RBM11: variants seen among roughly 807,000 people sequenced by gnomAD.
RBM11 encodes RNA binding motif protein 11.
RBM11 carries 18 observed loss-of-function variants against 21.4 expected under a neutral mutation model. The observed-to-expected ratio is 0.84, with a 90% confidence interval of 0.58 to 1.25. The LOEUF is 1.25. RBM11 is among the 50% of genes most tolerant of loss of function. The pLI is 0.00. For missense variants in RBM11, 294 were observed against 331.9 expected (o/e 0.89, Z 0.89); for synonymous variants, 120 against 116.3 (o/e 1.03, Z -0.20).
rs753372738 is a variant in RBM11, at chr21:14,216,192, C to G, written c.6C>G (p.Phe2Leu). M[F>L]PAQEEADRTV... is the part of the protein sequence containing the mutation. Reference sequence around the variant, plus strand: ...TCTACGGCCGAGACCGGAGGATGTTCCCTGCTCAGGAGGAGGCCGACAGGA... The same window carrying G: ...TCTACGGCCGAGACCGGAGGATGTTGCCTGCTCAGGAGGAGGCCGACAGGA... The change falls in exon 1 of 5, where the codon TTC becomes TTG. Residue 2 changes from phenylalanine to leucine, a missense_variant. By Grantham distance (22) the Phe-to-Leu change is conservative. This residue lies in a region of RBM11 where 181 missense variants were observed against 164.6 expected (regional missense o/e 1.10). Transcript: ENST00000400577. 65 of 1,613,034 alleles carry G rather than the reference C, an allele frequency of 4.0e-5. No individual in the cohort carries two copies. In the African/African-American group the frequency reaches 8.1e-4, roughly 20 times the overall value.
chr21:14,221,058 T>A, intron 2 of RBM11, 39 bp from the exon 3 acceptor site: 18 of 1,511,406 alleles, frequency 1.2e-5, no homozygotes, highest in Non-Finnish European at 1.4e-5. Flanking sequence ...CAAAAAAAAA[T>A]GTACCATGAA....
At position 14,227,217 on chromosome 21, in the gene RBM11, A is replaced by T. The variant is rs375632302; in HGVS notation, c.770A>T (p.Asp257Val). 26 of 1,613,944 alleles carry T rather than the reference A, an allele frequency of 1.6e-5. No individual in the cohort carries two copies. In the African/African-American group the frequency reaches 3.3e-4, roughly 21 times the overall value. Residue 257 changes from aspartate to valine, a missense_variant, in exon 5 of 5, where the codon GAT becomes GTT. By Grantham distance (152) the Asp-to-Val change is radical. Transcript: ENST00000400577. ...RKRQKQTSDS[D>V]SSTDNNRGNE... The stretch of plus-strand genomic sequence containing the variant: ...AGACAAAAGCAAACAAGTGATAGTG[A>T]TAGTAGCACAGACAACAACAGAGGC...
rs1979254177 is a variant in RBM11, at chr21:14,227,987, T to C, written c.*694T>C. The C allele has an allele frequency of 6.6e-6, 1 of 152,220 alleles. No individual in the cohort carries two copies. Among genetic ancestry groups the C allele is most frequent in the African/African-American group, 2.4e-5 (1 of 41,466 alleles). 9.4% of individuals were successfully genotyped at this position (152,220 alleles called of 1,614,324 possible). A position where few individuals can be genotyped will look rare whatever the true frequency, so the allele number is the denominator to read the frequency against. On this transcript the variant is annotated 3_prime_UTR_variant, in exon 5 of 5. Transcript: ENST00000400577. Reference sequence around the variant, plus strand: ...ATGTCATTAAAATCAGTTGGCTATGTCAGTGTGTATTATTCACCTCTTTTG... The same window carrying C: ...ATGTCATTAAAATCAGTTGGCTATGCCAGTGTGTATTATTCACCTCTTTTG...
chr21:14,222,322 G>A (rs1015557703), intron 3 of RBM11, among the ~76,000 whole-genome samples: 3 of 152,020 alleles, frequency 2.0e-5, no homozygotes, highest in African/African-American at 4.8e-5. Context: ...TATATAGAGA[G>A]AGAAGTATAG....
Position 14,224,539 on chromosome 21 carries a change from T to C in RBM11, c.432+2T>C. The C allele has an allele frequency of 6.5e-7, 1 of 1,546,390 alleles. No homozygotes were observed. The highest frequency in any genetic ancestry group is 8.7e-7 in the Non-Finnish European group (1 of 1,145,826). ...GAATATTTTCTCTTTCAGAAGATGG[T>C]AAGTTTAATATGCATTTTATTTAGT... On this transcript the variant is annotated splice_donor_variant, in intron 4 of 4. Transcript: ENST00000400577. LOFTEE classifies it high-confidence loss of function.
At chr21:14,221,220 C>A in intron 3 of RBM11, 51 bp downstream of exon 3, 1 of 1,487,534 alleles carries the variant, frequency 6.7e-7, no homozygotes, top group Non-Finnish European at 8.9e-7. Flanking sequence ...TATTTTTATG[C>A]CAAGAGGAGT....
At position 14,227,672 on chromosome 21, in the gene RBM11, G is replaced by A. The variant is rs1979226294; in HGVS notation, c.*379G>A. ...CAACACTCAACTACAAATAGGCTGG[G>A]ATTCAATGTGGAGTGGTGGATTTCC... On this transcript the variant is annotated 3_prime_UTR_variant, in exon 5 of 5. Transcript: ENST00000400577. 5.6e-6 allele frequency: 1 copy of A among 179,386 alleles called. No homozygotes were observed. Among genetic ancestry groups the A allele is most frequent in the East Asian group, 1.5e-4 (1 of 6,466 alleles). The allele number at this position is 179,386 out of a possible 1,614,324, so 11.1% of individuals were successfully genotyped here. A position where few individuals can be genotyped will look rare whatever the true frequency, so the allele number is the denominator to read the frequency against.
chr21:14,219,942 A>C (rs1371100770), intron 2 of RBM11, among the ~76,000 whole-genome samples: 1 of 152,232 alleles, frequency 6.6e-6, no homozygotes, highest in African/African-American at 2.4e-5. Context: ...TCTAAAAATA[A>C]AATGTAAGAT....
Position 14,227,186 on chromosome 21 carries a change from C to CT in RBM11, c.739_740insT (p.Arg247LeufsTer9). ...CTCTGACCTTTATCAGATGAATAAA[C>CT]GAAAGAGACAAAAGCAAACAAGTGA... On this transcript the variant is annotated frameshift_variant, in exon 5 of 5. Transcript: ENST00000400577. LOFTEE classifies it high-confidence loss of function. 1 of 1,613,930 alleles carries CT rather than the reference C, an allele frequency of 6.2e-7. No homozygotes were observed. Among genetic ancestry groups the CT allele is most frequent in the South Asian group, 1.1e-5 (1 of 91,084 alleles).
At chr21:14,226,747 G>A in intron 4 of RBM11, 133 bp from the exon 5 acceptor site, 3 of 1,208,570 alleles carry the variant, frequency 2.5e-6, no homozygotes, top group Non-Finnish European at 3.4e-6. Context: ...TCTACTATGA[G>A]AGGTCACTGT....
Position 14,216,251 on chromosome 21 carries a change from G to T in RBM11, c.65G>T (p.Arg22Leu). ...GTTGGGAATTTAGAGGCCCGAGTTC[G>T]GGAAGAGATTCTGTACGAGCTGTTC... is the stretch of plus-strand genomic sequence containing the variant. ...VFVGNLEARVREEILYELFLQ... is the reference protein window; with the variant it reads ...VFVGNLEARVLEEILYELFLQ... Residue 22 changes from arginine to leucine, a missense_variant, in exon 1 of 5, where the codon CGG becomes CTG. This residue lies in a region of RBM11 where 181 missense variants were observed against 164.6 expected (regional missense o/e 1.10). Transcript: ENST00000400577. 6.2e-7 allele frequency: 1 copy of T among 1,613,790 alleles called. No homozygotes were observed. The highest frequency in any genetic ancestry group is 8.5e-7 in the Non-Finnish European group (1 of 1,179,802).
chr21:14,219,560 T>C lies in RBM11; in HGVS notation c.97-3T>C. On this transcript the variant is annotated splice_polypyrimidine_tract_variant and splice_region_variant and intron_variant, in intron 1 of 4. Transcript: ENST00000400577. Reference sequence around the variant, plus strand: ...GAGAAAATAATTTTTAAGTTTCTTATAGGCGGGGCCACTAACCAAAGTGAC... The same window carrying C: ...GAGAAAATAATTTTTAAGTTTCTTACAGGCGGGGCCACTAACCAAAGTGAC... The C allele has an allele frequency of 1.4e-6, 2 of 1,468,286 alleles. No individual in the cohort carries two copies. The highest frequency in any genetic ancestry group is 1.8e-6 in the Non-Finnish European group (2 of 1,096,498). The allele number at this position is 1,468,286 out of a possible 1,614,324, so 91.0% of individuals were successfully genotyped here. A position where few individuals can be genotyped will look rare whatever the true frequency, so the allele number is the denominator to read the frequency against.
At chr21:14,223,089 C>T (rs1177589024) in intron 3 of RBM11, among the ~76,000 whole-genome samples, 1 of 152,170 alleles carries the variant, frequency 6.6e-6, no homozygotes, top group Non-Finnish European at 1.5e-5. Flanking sequence ...AGCAGTCAAA[C>T]TCTGGTATTT....
At chr21:14,220,828 T>C (rs1038399000) in intron 2 of RBM11, among the ~76,000 whole-genome samples, 2 of 152,180 alleles carry the variant, frequency 1.3e-5, no homozygotes, top group South Asian at 2.1e-4. Context: ...CAAACCATCA[T>C]GTATCTTACA....
At chr21:14,217,671 T>C (rs1453926859) in intron 1 of RBM11, among the ~76,000 whole-genome samples, 1 of 152,144 alleles carries the variant, frequency 6.6e-6, no homozygotes, top group Non-Finnish European at 1.5e-5. Context: ...TTTTATGAAC[T>C]CTAATCCATA....
At position 14,227,206 on chromosome 21, in the gene RBM11, AAGTGAT is replaced by A. The variant is rs1188303358; in HGVS notation, c.769_774del (p.Asp257_Ser258del). On this transcript the variant is annotated inframe_deletion, in exon 5 of 5. Transcript: ENST00000400577. ...ATAAACGAAAGAGACAAAAGCAAAC[AAGTGAT>A]AGTGATAGTAGCACAGACAACAACA... The A allele has an allele frequency of 1.2e-6, 2 of 1,614,040 alleles. No homozygotes were observed. The highest frequency in any genetic ancestry group is 1.7e-6 in the Non-Finnish European group (2 of 1,179,906).
At chr21:14,223,307 C>A (rs1262313099) in intron 3 of RBM11, among the ~76,000 whole-genome samples, 1 of 152,160 alleles carries the variant, frequency 6.6e-6, no homozygotes, top group African/African-American at 2.4e-5. Context: ...ACAATCTAGT[C>A]TTTGCTCTCC....
intron 1 of RBM11, among the ~76,000 whole-genome samples, chr21:14,218,312 C>T (rs1978380758): frequency 6.6e-6 from 1 of 152,040 alleles, no homozygotes; most frequent in Non-Finnish European, 1.5e-5. Context: ...TTTTATATTA[C>T]AGTATATTTA....
intron 4 of RBM11, 170 bp from the exon 5 acceptor site, chr21:14,226,710 T>A: frequency 1.2e-6 from 1 of 809,550 alleles, no homozygotes; most frequent in Non-Finnish European, 1.9e-6. Context: ...ACTCTTTATA[T>A]TGACCCTTTA....
Sources: gnomAD v4.1 joint callset for allele counts (sites outside exome capture counted in the v4.1 genomes callset) on GRCh38, gnomAD v4.1.1 for gene constraint, gnomAD v4.1.1 regional missense constraint, MANE v1.5 for transcripts, NCBI Gene and HGNC (gene_info 2026-07-23, HGNC 2026-07-21) for gene names.